RAB1A: variants seen among roughly 807,000 people sequenced by gnomAD.
RAB1A encodes ras-related protein Rab-1A.
In RAB1A, 2 loss-of-function variants were observed where a neutral mutation model predicts 26.0. The ratio of observed to expected loss-of-function variants is 0.08; its 90% CI spans 0.03 to 0.24. The LOEUF is 0.24. RAB1A is among the 10% of genes least tolerant of loss of function. The probability of loss-of-function intolerance (pLI) is 1.00; values close to 1 mark genes in which losing one functional copy is unlikely to be tolerated. For synonymous variants in RAB1A, 84 were observed against 84.9 expected (o/e 0.99, Z 0.06); for missense variants, 100 against 247.0 (o/e 0.40, Z 3.99).
At chr2:65,108,045 AAG>A (rs762829377) in intron 1 of RAB1A, among the ~76,000 whole-genome samples, 4 of 137,618 alleles carry the variant, frequency 2.9e-5, no homozygotes, top group East Asian at 2.2e-4. Context: ...GCACGGGCAA[AAG>A]AGGAGTCTCA....
intron 1 of RAB1A, among the ~76,000 whole-genome samples, chr2:65,105,991 A>C (rs1452759203): frequency 6.6e-6 from 1 of 152,050 alleles, no homozygotes; most frequent in African/African-American, 2.4e-5. Context: ...CGATCTCCTG[A>C]CCTCATGATC....
chr2:65,089,878 T>A (rs1669130789), intron 4 of RAB1A, among the ~76,000 whole-genome samples: 1 of 152,164 alleles, frequency 6.6e-6, no homozygotes, highest in Non-Finnish European at 1.5e-5. Context: ...AATTTTTGTA[T>A]TTTTACTAGA....
chr2:65,088,344 G>C lies in RAB1A; in HGVS notation c.*149C>G. ...AGTCAAGGGAATAAAAAAAAAGTCA[G>C]TATTGACCATTTACAATCTCTGACC... On this transcript the variant is annotated 3_prime_UTR_variant, in exon 6 of 6. Transcript: ENST00000409784. 1.6e-6 allele frequency: 1 copy of C among 644,654 alleles called. No homozygotes were observed. The highest frequency in any genetic ancestry group is 2.2e-5 in the South Asian group (1 of 44,516). The allele number at this position is 644,654 out of a possible 1,614,324, so 39.9% of individuals were successfully genotyped here. A position where few individuals can be genotyped will look rare whatever the true frequency, so the allele number is the denominator to read the frequency against.
At chr2:65,120,865 ATCAT>A (rs2103878634) in intron 1 of RAB1A, among the ~76,000 whole-genome samples, 1 of 152,310 alleles carries the variant, frequency 6.6e-6, no homozygotes, top group Non-Finnish European at 1.5e-5. Context: ...AATTAAATCC[ATCAT>A]TGTTCTTGGA....
At chr2:65,101,701 C>CT (rs200745473) in intron 2 of RAB1A, among the ~76,000 whole-genome samples, 20,327 of 120,416 alleles carry the variant, frequency 0.17, 1,613 homozygotes, top group Middle Eastern at 0.28. Flanking sequence ...AAAGTTGAGC[C>CT]TTTTTTTTTT....
chr2:65,110,977 T>G (rs1255093464), intron 1 of RAB1A, among the ~76,000 whole-genome samples: 2 of 151,774 alleles, frequency 1.3e-5, no homozygotes, highest in Non-Finnish European at 2.9e-5. Flanking sequence ...AAAAAATAAT[T>G]GCTGCAAGGA....
intron 1 of RAB1A, 126 bp from the exon 2 acceptor site, chr2:65,104,932 G>C (rs776880666): frequency 1.3e-5 from 11 of 852,630 alleles, no homozygotes; most frequent in Non-Finnish European, 2.0e-5. Flanking sequence ...TAAAGCCCAT[G>C]CATGGCTTAA....
chr2:65,127,934 C>T lies in RAB1A; in HGVS notation c.23+1959G>A, dbSNP rs113104193. Among the ~76,000 whole-genome samples the T allele has an allele frequency of 4.3e-3, 652 of 152,180 alleles. 5 individuals are homozygous for T. Among genetic ancestry groups the T allele is most frequent in the African/African-American group, 0.015 (628 of 41,544 alleles). On this transcript the variant is annotated intron_variant, in intron 1 of 5. Coordinates refer to ENST00000409784, the MANE Select transcript of RAB1A (RefSeq NM_004161.5). Reference sequence around the variant, plus strand: ...CATTTTTAGTAGAGACGGGGTTTCACCGTGTTACCGAGGATGGTCTCGATC... The same window carrying T: ...CATTTTTAGTAGAGACGGGGTTTCATCGTGTTACCGAGGATGGTCTCGATC...
At chr2:65,122,557 A>G (rs1047038752) in intron 1 of RAB1A, among the ~76,000 whole-genome samples, 8 of 152,102 alleles carry the variant, frequency 5.3e-5, no homozygotes, top group African/African-American at 9.7e-5. Context: ...GTAAGACCCT[A>G]TATCTCAAAA....
intron 2 of RAB1A, among the ~76,000 whole-genome samples, chr2:65,103,941 G>C (rs1053940498): frequency 6.6e-6 from 1 of 152,206 alleles, no homozygotes; most frequent in East Asian, 1.9e-4. Flanking sequence ...ACCACACCCA[G>C]CTAATTTTTT....
intron 1 of RAB1A, among the ~76,000 whole-genome samples, chr2:65,123,410 C>T (rs930457650): frequency 4.0e-5 from 6 of 151,832 alleles, no homozygotes; most frequent in Admixed American, 3.3e-4. Context: ...CCTCGTGATT[C>T]GCCCACCTCG....
intron 1 of RAB1A, chr2:65,105,059 G>C: frequency 1.8e-6 from 1 of 561,520 alleles, no homozygotes; most frequent in Middle Eastern, 2.8e-4. Flanking sequence ...CACTTAAAAA[G>C]AAAGAAGGAA....
intron 2 of RAB1A, among the ~76,000 whole-genome samples, chr2:65,104,008 G>A (rs1669498159): frequency 6.6e-6 from 1 of 152,064 alleles, no homozygotes. Context: ...TCGATCTCTT[G>A]ACCTTGTGAT....
At chr2:65,106,137 G>A (rs183723029) in intron 1 of RAB1A, among the ~76,000 whole-genome samples, 2,748 of 151,554 alleles carry the variant, frequency 0.018, 90 homozygotes, top group African/African-American at 0.063. Flanking sequence ...TTCCTTCATG[G>A]AACTAAGACA....
chr2:65,098,836 C>T lies in RAB1A; in HGVS notation c.97-770G>A, dbSNP rs76500247. ...CATGTTGTACCATGTAACAGTACTTCTTTTTTTTTTTTTTTTTGAGGCAGG... is the reference window on the plus strand; with the variant it reads ...CATGTTGTACCATGTAACAGTACTTTTTTTTTTTTTTTTTTTTGAGGCAGG... On this transcript the variant is annotated intron_variant, in intron 2 of 5. Coordinates refer to ENST00000409784, the MANE Select transcript of RAB1A (RefSeq NM_004161.5). Among the ~76,000 whole-genome samples, 734 of 103,404 alleles carry T rather than the reference C, an allele frequency of 7.1e-3. 27 individuals are homozygous for T. The highest frequency in any genetic ancestry group is 0.059 in the Admixed American group (507 of 8,592). The allele number at this position is 103,404 out of a possible 152,430, so 67.8% of individuals were successfully genotyped here.
intron 5 of RAB1A, 42 bp downstream of exon 5, chr2:65,088,897 A>C (rs1205223882): frequency 6.4e-6 from 10 of 1,559,262 alleles, no homozygotes; most frequent in Middle Eastern, 2.1e-4. Context: ...TACATAATTC[A>C]ACACCTTCAA....
At chr2:65,093,974 T>C (rs1409464893) in intron 3 of RAB1A, among the ~76,000 whole-genome samples, 2 of 63,172 alleles carry the variant, frequency 3.2e-5, no homozygotes, top group South Asian at 6.1e-4. Flanking sequence ...GAGACCCTCT[T>C]CTTTTTTTTT....
intron 1 of RAB1A, among the ~76,000 whole-genome samples, chr2:65,128,560 T>G (rs1228914122): frequency 6.6e-6 from 1 of 152,204 alleles, no homozygotes; most frequent in Non-Finnish European, 1.5e-5. Context: ...TACTACGGTT[T>G]CTGTTTAGTG....
chr2:65,094,790 ATTT>A (rs200692274), intron 3 of RAB1A, among the ~76,000 whole-genome samples: 4,546 of 152,258 alleles, frequency 0.03, 85 homozygotes, highest in Non-Finnish European at 0.045. Flanking sequence ...CTCATACTTG[ATTT>A]AAGAAATCAA....
Sources: gnomAD v4.1 joint callset for allele counts (sites outside exome capture counted in the v4.1 genomes callset) on GRCh38, gnomAD v4.1.1 for gene constraint, MANE v1.5 for transcripts, NCBI Gene and HGNC (gene_info 2026-07-23, HGNC 2026-07-21) for gene names.